The following CR1L variants were observed in gnomAD, a reference collection of about 807,000 sequenced individuals.
CR1L encodes the protein complement component receptor 1-like protein.
In CR1L, 59 loss-of-function variants were observed where a neutral mutation model predicts 62.3. The observed-to-expected ratio is 0.95, with a 90% CI of 0.77 to 1.18. The LOEUF is 1.18. CR1L is among the 50% of genes most tolerant of loss of function. The probability of loss-of-function intolerance (pLI) is 0.00; values close to 1 mark genes in which losing one functional copy is unlikely to be tolerated. For missense variants in CR1L, 700 were observed against 702.8 expected (o/e 1.00, Z 0.04); for synonymous variants, 279 against 248.7 (o/e 1.12, Z -1.15).
intron 1 of CR1L, among the ~76,000 whole-genome samples, chr1:207,656,021 G>A (rs549190911): frequency 2.6e-5 from 4 of 152,238 alleles, no homozygotes; most frequent in South Asian, 4.1e-4. Flanking sequence ...GGTGGATCGC[G>A]AGGTCAGGAG....
intron 1 of CR1L, among the ~76,000 whole-genome samples, chr1:207,651,547 C>T (rs898767550): frequency 2.6e-5 from 4 of 152,060 alleles, no homozygotes; most frequent in African/African-American, 4.8e-5. Flanking sequence ...ATAGAAGAGG[C>T]CTTTGCATTC....
intron 3 of CR1L, among the ~76,000 whole-genome samples, chr1:207,679,672 A>G (rs1663764617): frequency 6.6e-6 from 1 of 152,232 alleles, no homozygotes; most frequent in African/African-American, 2.4e-5. Context: ...TTTATTCATA[A>G]TTGCCAAAAC....
intron 1 of CR1L, among the ~76,000 whole-genome samples, chr1:207,654,423 C>A (rs1308760313): frequency 6.6e-6 from 1 of 151,972 alleles, no homozygotes; most frequent in African/African-American, 2.4e-5. Context: ...TATTGAGAAA[C>A]AATATATACT....
At position 207,651,972 on chromosome 1, in the gene CR1L, A is replaced by G. The variant is rs551679771; in HGVS notation, c.97+6642A>G. Among the ~76,000 whole-genome samples, 4 of 152,356 alleles carry G rather than the reference A, an allele frequency of 2.6e-5. No individual in the cohort carries two copies. In the East Asian group the frequency reaches 7.7e-4, roughly 29 times the overall value. On this transcript the variant is annotated intron_variant, in intron 1 of 11. Transcript: ENST00000508064. ...CTTATATTTTAGAATATTTGAGTTC[A>G]TATTTATTTTAATCTATGAAATCCA...
chr1:207,670,513 T>C (rs1416712410), intron 1 of CR1L, among the ~76,000 whole-genome samples: 2 of 151,044 alleles, frequency 1.3e-5, no homozygotes, highest in African/African-American at 5.0e-5. Flanking sequence ...AGAAGTCTTC[T>C]TGGTTGCCTA....
intron 1 of CR1L, among the ~76,000 whole-genome samples, chr1:207,660,957 G>A (rs1357924918): frequency 6.6e-6 from 1 of 152,178 alleles, no homozygotes; most frequent in Non-Finnish European, 1.5e-5. Context: ...GAGCTGTTTC[G>A]AGTGAGTTTC....
At chr1:207,648,046 C>T (rs1185392124) in intron 1 of CR1L, among the ~76,000 whole-genome samples, 1 of 151,766 alleles carries the variant, frequency 6.6e-6, no homozygotes, top group Non-Finnish European at 1.5e-5. Flanking sequence ...TGCCTGTGGT[C>T]CCAGCTACTT....
At chr1:207,716,513 T>C (rs1654003665) in intron 10 of CR1L, among the ~76,000 whole-genome samples, 1 of 152,230 alleles carries the variant, frequency 6.6e-6, no homozygotes, top group Admixed American at 6.5e-5. Context: ...ACCTTTTTTT[T>C]CTTATTGGAA....
chr1:207,649,479 G>C (rs747237403), intron 1 of CR1L, among the ~76,000 whole-genome samples: 3 of 152,194 alleles, frequency 2.0e-5, no homozygotes, highest in African/African-American at 2.4e-5. Flanking sequence ...TTAGCACAAC[G>C]TGACTCCAAA....
intron 1 of CR1L, among the ~76,000 whole-genome samples, chr1:207,661,537 G>A (rs1358762428): frequency 6.6e-5 from 10 of 152,076 alleles, no homozygotes; most frequent in Non-Finnish European, 7.3e-5. Context: ...GCCTATGTGT[G>A]TCTCTGCACA....
At chr1:207,677,249 T>A (rs1663706631) in intron 1 of CR1L, 140 bp from the exon 2 acceptor site, 1 of 786,150 alleles carries the variant, frequency 1.3e-6, no homozygotes, top group Non-Finnish European at 1.8e-6. Flanking sequence ...CTTGAACCTG[T>A]GAGGCAGAGG....
chr1:207,706,256 CA>C (rs1437985874), intron 9 of CR1L, among the ~76,000 whole-genome samples: 1 of 151,436 alleles, frequency 6.6e-6, no homozygotes, highest in Non-Finnish European at 1.5e-5. Context: ...CCCATCTCTA[CA>C]AAAAAGTATA....
chr1:207,654,727 T>C (rs1262718584), intron 1 of CR1L, among the ~76,000 whole-genome samples: 1 of 152,198 alleles, frequency 6.6e-6, no homozygotes, highest in Non-Finnish European at 1.5e-5. Context: ...TGTACTGTTA[T>C]CCCCTTTTAA....
chr1:207,689,198 A>G (rs1663957732), intron 4 of CR1L, among the ~76,000 whole-genome samples: 1 of 152,110 alleles, frequency 6.6e-6, no homozygotes, highest in Non-Finnish European at 1.5e-5. Context: ...TGTTCATTCT[A>G]ATTGATCACT....
chr1:207,686,237 G>A (rs1188754678), intron 4 of CR1L, among the ~76,000 whole-genome samples: 2 of 135,582 alleles, frequency 1.5e-5, no homozygotes, highest in South Asian at 2.4e-4. Context: ...TTTACCACAC[G>A]GCTAGGACCA....
At position 207,671,714 on chromosome 1, in the gene CR1L, G is replaced by A. The variant is rs749454192; in HGVS notation, c.98-5675G>A. 1.3e-4 allele frequency among the ~76,000 whole-genome samples: 19 copies of A among 150,892 alleles called. 1 individual carries two copies. Among genetic ancestry groups the A allele is most frequent in the Middle Eastern group, 3.4e-3 (1 of 294 alleles). Reference sequence around the variant, plus strand: ...GGCAGGGTAGATAACTTGAGGTCAGGACTTTGAGACCAGCCTGGCCAACAT... The same window carrying A: ...GGCAGGGTAGATAACTTGAGGTCAGAACTTTGAGACCAGCCTGGCCAACAT... On this transcript the variant is annotated intron_variant, in intron 1 of 11. Transcript: ENST00000508064.
chr1:207,681,166 A>G (rs1475034935), intron 3 of CR1L, among the ~76,000 whole-genome samples: 3 of 152,352 alleles, frequency 2.0e-5, no homozygotes, highest in Non-Finnish European at 4.4e-5. Context: ...TAAGAAGGAA[A>G]ATGGAAATGG....
chr1:207,701,704 T>A, intron 9 of CR1L, 86 bp downstream of exon 9: 1 of 1,538,964 alleles, frequency 6.5e-7, no homozygotes, highest in Non-Finnish European at 9.0e-7. Flanking sequence ...GAAACTAGGC[T>A]GTTGCCACCT....
At chr1:207,662,128 G>C (rs1352651354) in intron 1 of CR1L, among the ~76,000 whole-genome samples, 1 of 151,976 alleles carries the variant, frequency 6.6e-6, no homozygotes, top group Non-Finnish European at 1.5e-5. Context: ...ATGTGTCTTG[G>C]AGTTGCTCTT....
Sources: allele counts gnomAD v4.1 joint callset (sites outside exome capture counted in the v4.1 genomes callset), GRCh38; gene constraint gnomAD v4.1.1; transcripts MANE v1.5; gene names NCBI Gene and HGNC (gene_info 2026-07-23, HGNC 2026-07-21).